TMEM132C: variants seen among roughly 807,000 people sequenced by gnomAD.
The protein encoded by TMEM132C is transmembrane protein 132C, also known as protein phosphatase 1, regulatory subunit 152.
A neutral mutation model predicts 61.4 loss-of-function variants in TMEM132C; 29 were observed. The observed-to-expected ratio is 0.47, with a 90% CI of 0.35 to 0.64. The LOEUF is 0.64. TMEM132C is among the 30% of genes least tolerant of loss of function. The pLI is 0.00. For missense variants in TMEM132C, 1,408 were observed against 1,476.9 expected, an observed-to-expected ratio of 0.95 and a Z score of 0.76; for synonymous variants, 656 against 633.1, an observed-to-expected ratio of 1.04 and a Z score of -0.54.
At chr12:128,452,796 T>A (rs544315627) in intron 2 of TMEM132C, among the ~76,000 whole-genome samples, 9 of 152,168 alleles carry the variant, frequency 5.9e-5, no homozygotes, top group Non-Finnish European at 1.2e-4. Context: ...TTAAATGATA[T>A]TAATTATAAG....
At chr12:128,443,039 T>G (rs1280989569) in intron 2 of TMEM132C, among the ~76,000 whole-genome samples, 1 of 152,140 alleles carries the variant, frequency 6.6e-6, no homozygotes, top group Non-Finnish European at 1.5e-5. Context: ...GTGGAGTGTT[T>G]AGGAGTGAAA....
rs565347840 is a variant in TMEM132C at position 128,594,226 on chromosome 12, C to T, written c.1122-21926C>T. ...GGGCAGTGTCCCCACCCCAGGGGGGCGCCACATAAAAGGGGATGTGCCCGT... is the reference window on the plus strand; with the variant it reads ...GGGCAGTGTCCCCACCCCAGGGGGGTGCCACATAAAAGGGGATGTGCCCGT... On this transcript the variant is annotated intron_variant, in intron 3 of 8. Transcript: ENST00000435159. Among the ~76,000 whole-genome samples, 18 of 152,138 alleles carry T rather than the reference C, an allele frequency of 1.2e-4. No homozygotes were observed. In the East Asian group the frequency reaches 2.3e-3, roughly 20 times the overall value.
rs140745363 is a variant in TMEM132C at position 128,593,993 on chromosome 12, T to G, written c.1122-22159T>G. On this transcript the variant is annotated intron_variant, in intron 3 of 8. Coordinates refer to ENST00000435159, the MANE Select transcript of TMEM132C (RefSeq NM_001136103.3). ...TTAGAGAGCAATGGGGCTCCTTCTGTACCCCAACATAAGACCTGCTCTCAA... is the reference window on the plus strand; with the variant it reads ...TTAGAGAGCAATGGGGCTCCTTCTGGACCCCAACATAAGACCTGCTCTCAA... Among the ~76,000 whole-genome samples the G allele has an allele frequency of 6.1e-3, 930 of 152,014 alleles. 18 individuals carry two copies. Among genetic ancestry groups the G allele is most frequent in the African/African-American group, 0.021 (886 of 41,412 alleles).
Position 128,305,670 on chromosome 12 carries a change from A to G in TMEM132C, c.85+38183A>G, listed in dbSNP as rs565545028. On this transcript the variant is annotated intron_variant, in intron 1 of 8. Transcript: ENST00000435159. ...AATGGAAGAATTGGCTCGTGATTAA[A>G]AATGAGACCTCCCGGCAGCAGCAAT... Among the ~76,000 whole-genome samples the G allele has an allele frequency of 2.1e-3, 317 of 152,264 alleles. 3 individuals are homozygous for G. The highest frequency in any genetic ancestry group is 7.2e-3 in the African/African-American group (301 of 41,556).
chr12:128,389,654 G>A (rs978698712), intron 1 of TMEM132C, among the ~76,000 whole-genome samples: 10 of 152,138 alleles, frequency 6.6e-5, no homozygotes, highest in Non-Finnish European at 1.0e-4. Context: ...ATTTGGGGAA[G>A]AGCATCCAAG....
At chr12:128,305,194 A>G (rs1189465006) in intron 1 of TMEM132C, among the ~76,000 whole-genome samples, 1 of 152,126 alleles carries the variant, frequency 6.6e-6, no homozygotes, top group African/African-American at 2.4e-5. Flanking sequence ...GCAACACAGT[A>G]GGACTCCATC....
intron 3 of TMEM132C, among the ~76,000 whole-genome samples, chr12:128,611,025 G>A (rs543334636): frequency 1.3e-5 from 2 of 152,188 alleles, no homozygotes; most frequent in Non-Finnish European, 2.9e-5. Flanking sequence ...ACAAGAAACA[G>A]CTTCCATTTA....
rs144615105 is a variant in TMEM132C, at chr12:128,320,108, C to T, written c.85+52621C>T. On this transcript the variant is annotated intron_variant, in intron 1 of 8. Transcript: ENST00000435159. Reference sequence around the variant, plus strand: ...GTCGCCAAAAGTTGTTAGTTAGGAACGCTCCTGTTTTTGTTTCTGTAGGTG... The same window carrying T: ...GTCGCCAAAAGTTGTTAGTTAGGAATGCTCCTGTTTTTGTTTCTGTAGGTG... 2.9e-3 allele frequency among the ~76,000 whole-genome samples: 445 copies of T among 152,280 alleles called. 5 individuals are homozygous for T. Among genetic ancestry groups the T allele is most frequent in the African/African-American group, 9.7e-3 (404 of 41,554 alleles).
chr12:128,597,014 G>A (rs895909248), intron 3 of TMEM132C, among the ~76,000 whole-genome samples: 2 of 152,110 alleles, frequency 1.3e-5, no homozygotes, highest in African/African-American at 4.8e-5. Flanking sequence ...TAAGTAGCTC[G>A]GCCTTTCAAC....
chr12:128,402,793 G>A (rs553206481), intron 1 of TMEM132C, among the ~76,000 whole-genome samples: 2 of 152,182 alleles, frequency 1.3e-5, no homozygotes, highest in African/African-American at 4.8e-5. Context: ...TTGTAACTTC[G>A]CCTGGTAAAT....
At chr12:128,448,358 C>T (rs577967912) in intron 2 of TMEM132C, among the ~76,000 whole-genome samples, 5 of 152,302 alleles carry the variant, frequency 3.3e-5, no homozygotes, top group Non-Finnish European at 7.4e-5. Context: ...CTGGGCAGGT[C>T]TTCTGCTCTT....
intron 1 of TMEM132C, among the ~76,000 whole-genome samples, chr12:128,344,106 A>G (rs1873070304): frequency 6.6e-6 from 1 of 152,190 alleles, no homozygotes; most frequent in African/African-American, 2.4e-5. Flanking sequence ...GCTGCTGTGA[A>G]CATTTATGAT....
chr12:128,388,061 G>A (rs533749858), intron 1 of TMEM132C, among the ~76,000 whole-genome samples: 3 of 152,362 alleles, frequency 2.0e-5, no homozygotes, highest in Admixed American at 2.0e-4. Flanking sequence ...AGAGGCCAGG[G>A]CTTCTATTTC....
chr12:128,342,575 C>T (rs1398026321), intron 1 of TMEM132C, among the ~76,000 whole-genome samples: 1 of 68,320 alleles, frequency 1.5e-5, no homozygotes, highest in Non-Finnish European at 3.5e-5. Context: ...ACATCATTTC[C>T]TCCCTCCTTT....
chr12:128,620,065 TA>T (rs1953947207), intron 4 of TMEM132C, among the ~76,000 whole-genome samples: 3 of 151,522 alleles, frequency 2.0e-5, no homozygotes, highest in Admixed American at 1.3e-4. Flanking sequence ...ACCTCATTTC[TA>T]CAAAAAAATA....
Position 128,705,799 on chromosome 12 carries a change from A to G in TMEM132C, c.2831A>G (p.Asn944Ser), listed in dbSNP as rs1283187625. 4 of 1,551,514 alleles carry G rather than the reference A, an allele frequency of 2.6e-6. No individual in the cohort carries two copies. The highest frequency in any genetic ancestry group is 3.9e-5 in the Admixed American group (2 of 50,986). The stretch of plus-strand genomic sequence containing the variant: ...CTGGCCATCCTCGTCTTCCTGATCA[A>G]CTGCGCCACCTTTGCCCTGAAGTAC... ...FCLAILVFLINCATFALKYRH... is the reference protein window; with the variant it reads ...FCLAILVFLISCATFALKYRH... Residue 944 changes from asparagine to serine, a missense_variant, in exon 9 of 9, where the codon AAC becomes AGC. Coordinates refer to ENST00000435159, the MANE Select transcript of TMEM132C (RefSeq NM_001136103.3).
At chr12:128,370,142 G>A (rs988013636) in intron 1 of TMEM132C, among the ~76,000 whole-genome samples, 6 of 152,114 alleles carry the variant, frequency 3.9e-5, no homozygotes, top group African/African-American at 1.4e-4. Flanking sequence ...GGGGGCCTGA[G>A]CTTAGATGGG....
intron 8 of TMEM132C, among the ~76,000 whole-genome samples, chr12:128,698,555 A>G (rs1954781764): frequency 6.6e-6 from 1 of 152,224 alleles, no homozygotes; most frequent in South Asian, 2.1e-4. Flanking sequence ...GTCCATTTGC[A>G]AATTAAATTA....
intron 5 of TMEM132C, among the ~76,000 whole-genome samples, chr12:128,686,054 T>TGC (rs1566014907): frequency 6.9e-5 from 3 of 43,322 alleles, no homozygotes; most frequent in Admixed American, 3.1e-4. Context: ...CGTGTGTGCA[T>TGC]GTGTGTGTGT....
Sources: allele counts gnomAD v4.1 joint callset (sites outside exome capture counted in the v4.1 genomes callset), GRCh38; gene constraint gnomAD v4.1.1; transcripts MANE v1.5; gene names NCBI Gene and HGNC (gene_info 2026-07-23, HGNC 2026-07-21).